The following SLC35D4 variants were observed in gnomAD, a reference collection of about 807,000 sequenced individuals.
SLC35D4 encodes solute carrier family 35 member D4.
At chr18:23,333,222 A>G in the SLC35D4 span, among the ~76,000 whole-genome samples, 12 of 152,360 alleles carry the variant, frequency 7.9e-5, no homozygotes, top group Non-Finnish European at 4.4e-5. Flanking sequence ...TAGAAGATAC[A>G]GCCTTCAAAT....
the SLC35D4 span, among the ~76,000 whole-genome samples, chr18:23,405,020 A>C: frequency 1.3e-5 from 2 of 149,488 alleles, no homozygotes; most frequent in Non-Finnish European, 3.0e-5. Context: ...AAAAAAAAAA[A>C]AAACAGGCCC....
At chr18:23,415,122 TATAA>T in the SLC35D4 span, among the ~76,000 whole-genome samples, 5 of 152,242 alleles carry the variant, frequency 3.3e-5, no homozygotes, top group African/African-American at 1.2e-4. Flanking sequence ...TAAATAAATA[TATAA>T]ATAAATTTTT....
chr18:23,382,524 T>C, the SLC35D4 span, among the ~76,000 whole-genome samples: 1 of 151,314 alleles, frequency 6.6e-6, no homozygotes, highest in Non-Finnish European at 1.5e-5. Context: ...AAGACACCAA[T>C]GATTGTAAAA....
the SLC35D4 span, among the ~76,000 whole-genome samples, chr18:23,357,904 G>A: frequency 6.6e-6 from 1 of 152,188 alleles, no homozygotes; most frequent in Non-Finnish European, 1.5e-5. Context: ...AAGATTTCTT[G>A]TTCTCTTTCA....
At chr18:23,250,759 T>C in the SLC35D4 span, among the ~76,000 whole-genome samples, 3 of 152,174 alleles carry the variant, frequency 2.0e-5, no homozygotes, top group African/African-American at 7.2e-5. Flanking sequence ...CCAGAAAGAC[T>C]ATGTATCAGA....
At chr18:23,294,086 C>T in the SLC35D4 span, among the ~76,000 whole-genome samples, 2 of 152,274 alleles carry the variant, frequency 1.3e-5, no homozygotes, top group East Asian at 1.9e-4. Flanking sequence ...CTTGAGCCAC[C>T]GTGACTGGCC....
At chr18:23,413,954 A>AT in the SLC35D4 span, among the ~76,000 whole-genome samples, 8 of 34,578 alleles carry the variant, frequency 2.3e-4, no homozygotes, top group Non-Finnish European at 3.6e-4. Context: ...AAAAAAAAAA[A>AT]TTAAAAAAAA....
the SLC35D4 span, among the ~76,000 whole-genome samples, chr18:23,401,151 A>T: frequency 6.6e-6 from 1 of 152,204 alleles, no homozygotes; most frequent in Non-Finnish European, 1.5e-5. Flanking sequence ...ATTTATTATT[A>T]TTACCCTCAT....
chr18:23,418,032 C>A, the SLC35D4 span, among the ~76,000 whole-genome samples: 1 of 152,102 alleles, frequency 6.6e-6, no homozygotes, highest in Non-Finnish European at 1.5e-5. Flanking sequence ...AAATGAAGCC[C>A]AATTCTTACT....
At chr18:23,377,274 CT>C in the SLC35D4 span, among the ~76,000 whole-genome samples, 1 of 152,194 alleles carries the variant, frequency 6.6e-6, no homozygotes, top group African/African-American at 2.4e-5. Flanking sequence ...CAGGCTGGTG[CT>C]TTTTCCACCA....
the SLC35D4 span, among the ~76,000 whole-genome samples, chr18:23,397,838 C>T: frequency 3.9e-4 from 59 of 152,238 alleles, no homozygotes; most frequent in Non-Finnish European, 5.0e-4. Flanking sequence ...GGATTGCTTG[C>T]GCCCAGGAGG....
chr18:23,254,738 G>C, the SLC35D4 span, among the ~76,000 whole-genome samples: 229 of 152,296 alleles, frequency 1.5e-3, 1 homozygote, highest in African/African-American at 5.0e-3. Flanking sequence ...CAAAAAGCAA[G>C]CACTCTGGTT....
chr18:23,327,101 G>T, the SLC35D4 span, among the ~76,000 whole-genome samples: 1 of 152,160 alleles, frequency 6.6e-6, no homozygotes, highest in Admixed American at 6.5e-5. Flanking sequence ...AAGCAGGAAA[G>T]ATCTAAAATC....
At chr18:23,421,101 G>C in the SLC35D4 span, among the ~76,000 whole-genome samples, 1 of 151,820 alleles carries the variant, frequency 6.6e-6, no homozygotes, top group Non-Finnish European at 1.5e-5. Flanking sequence ...AAAATTAGCC[G>C]GGCATGGTGG....
At chr18:23,247,077 A>G in the SLC35D4 span, among the ~76,000 whole-genome samples, 1 of 152,244 alleles carries the variant, frequency 6.6e-6, no homozygotes, top group African/African-American at 2.4e-5. Context: ...ACCAGAAAGA[A>G]TGAGTGGCTG....
the SLC35D4 span, among the ~76,000 whole-genome samples, chr18:23,281,634 T>A: frequency 6.6e-6 from 1 of 152,200 alleles, no homozygotes; most frequent in African/African-American, 2.4e-5. Flanking sequence ...GCCAAAGCTG[T>A]TATTTTTTAA....
the SLC35D4 span, among the ~76,000 whole-genome samples, chr18:23,348,843 G>A: frequency 1.3e-5 from 2 of 152,198 alleles, no homozygotes; most frequent in African/African-American, 4.8e-5. Context: ...CATATTTAAT[G>A]TAATTACGGA....
At chr18:23,275,933 G>T in the SLC35D4 span, among the ~76,000 whole-genome samples, 1 of 152,220 alleles carries the variant, frequency 6.6e-6, no homozygotes, top group African/African-American at 2.4e-5. Flanking sequence ...GGTGACCAGG[G>T]ACAGCGAAGG....
the SLC35D4 span, chr18:23,352,188 T>TC: frequency 6.2e-7 from 1 of 1,602,852 alleles, no homozygotes; most frequent in Non-Finnish European, 8.5e-7. Flanking sequence ...ACCCCTCTTG[T>TC]CTCTTACCTT....
Sources: gnomAD v4.1 joint callset for allele counts (sites outside exome capture counted in the v4.1 genomes callset) on GRCh38, gnomAD v4.1.1 for gene constraint, MANE v1.5 for transcripts, NCBI Gene and HGNC (gene_info 2026-07-23, HGNC 2026-07-21) for gene names.